LTBP1: variants seen among roughly 807,000 people sequenced by gnomAD.
LTBP1 encodes latent transforming growth factor beta binding protein 1.
In LTBP1, 129 loss-of-function variants were observed where a neutral mutation model predicts 207.6. That is an observed-to-expected ratio of 0.62 (90% confidence interval 0.54 to 0.72). The LOEUF is 0.72. LTBP1 is among the 30% of genes least tolerant of loss of function. LTBP1 has a pLI of 0.00. For missense variants in LTBP1, 2,281 were observed against 2,217.2 expected (o/e 1.03, Z -0.58); for synonymous variants, 963 against 833.7 (o/e 1.16, Z -2.67).
chr2:33,320,268 C>T (rs936149813), intron 24 of LTBP1, among the ~76,000 whole-genome samples: 2 of 151,910 alleles, frequency 1.3e-5, no homozygotes, highest in African/African-American at 2.4e-5. Flanking sequence ...ACTCAGGAAG[C>T]TGATGCACGT....
At chr2:33,161,920 T>G (rs777854199) in intron 5 of LTBP1, among the ~76,000 whole-genome samples, 48 of 152,214 alleles carry the variant, frequency 3.2e-4, no homozygotes, top group Non-Finnish European at 5.9e-4. Context: ...CCATGGCTTT[T>G]GAATTGTTTC....
chr2:33,336,743 G>C (rs2094557977), intron 24 of LTBP1, among the ~76,000 whole-genome samples: 1 of 152,094 alleles, frequency 6.6e-6, no homozygotes, highest in African/African-American at 2.4e-5. Context: ...TAAGGAAGAA[G>C]GAAGTCAACA....
chr2:33,125,560 C>G lies in LTBP1; in HGVS notation c.1034-9233C>G, dbSNP rs143299882. Among the ~76,000 whole-genome samples the G allele has an allele frequency of 3.0e-3, 458 of 152,094 alleles. 2 individuals carry two copies. Among genetic ancestry groups the G allele is most frequent in the Middle Eastern group, 0.021 (6 of 290 alleles). On this transcript the variant is annotated intron_variant, in intron 4 of 33. Transcript: ENST00000404816. The stretch of plus-strand genomic sequence containing the variant: ...AAAATTACTCCAAACTGGCCGGGCA[C>G]GGTGGCTCACGCTTGTAATCCCAGG...
chr2:33,261,292 G>T (rs1470742939), intron 13 of LTBP1, among the ~76,000 whole-genome samples: 3 of 152,216 alleles, frequency 2.0e-5, no homozygotes, highest in Admixed American at 6.5e-5. Flanking sequence ...ATCCTGGTCT[G>T]TTCCTTGTTG....
intron 5 of LTBP1, among the ~76,000 whole-genome samples, chr2:33,151,517 G>A (rs903064659): frequency 6.6e-6 from 1 of 151,760 alleles, no homozygotes; most frequent in African/African-American, 2.4e-5. Flanking sequence ...TTGGTTGCAC[G>A]AGTAAGTTCT....
chr2:33,285,309 T>A lies in LTBP1; in HGVS notation c.3112+5151T>A, dbSNP rs918556765. Among the ~76,000 whole-genome samples, 3 of 152,068 alleles carry A rather than the reference T, an allele frequency of 2.0e-5. No homozygotes were observed. In the East Asian group the frequency reaches 5.8e-4, roughly 29 times the overall value. On this transcript the variant is annotated intron_variant, in intron 19 of 33. Coordinates refer to ENST00000404816, the MANE Select transcript of LTBP1 (RefSeq NM_206943.4). ...CACCCATCTCAGTCCCCGAAAGTGCTGGGATTACAGGGGTAAGCCACCGTG... is the reference window on the plus strand; with the variant it reads ...CACCCATCTCAGTCCCCGAAAGTGCAGGGATTACAGGGGTAAGCCACCGTG...
intron 7 of LTBP1, among the ~76,000 whole-genome samples, chr2:33,190,253 G>T (rs893151546): frequency 2.0e-5 from 3 of 152,040 alleles, no homozygotes; most frequent in Non-Finnish European, 4.4e-5. Context: ...CTGTCTTTTG[G>T]TTATGGGTTA....
At chr2:32,948,760 T>C in intron 1 of LTBP1, 115 bp from the exon 2 acceptor site, 1 of 973,614 alleles carries the variant, frequency 1.0e-6, no homozygotes, top group Non-Finnish European at 1.6e-6. Context: ...GGACTCTCTC[T>C]CATCCAGAGG....
At chr2:33,233,526 A>C (rs2091898779) in intron 9 of LTBP1, among the ~76,000 whole-genome samples, 1 of 152,136 alleles carries the variant, frequency 6.6e-6, no homozygotes. Flanking sequence ...GGCTTCAATT[A>C]GTTTCTTAGC....
intron 9 of LTBP1, among the ~76,000 whole-genome samples, chr2:33,228,923 T>C (rs945242721): frequency 9.2e-5 from 14 of 151,694 alleles, no homozygotes; most frequent in African/African-American, 3.1e-4. Flanking sequence ...ATGGTTTTGA[T>C]CTCCCAACCT....
chr2:33,324,699 CTT>C (rs35517435), intron 24 of LTBP1, among the ~76,000 whole-genome samples: 47 of 123,354 alleles, frequency 3.8e-4, no homozygotes, highest in Admixed American at 1.1e-3. Flanking sequence ...TGTATTCTAT[CTT>C]TTTTTTTTTT....
At chr2:33,305,055 T>C (rs1286722331) in intron 22 of LTBP1, among the ~76,000 whole-genome samples, 3 of 152,178 alleles carry the variant, frequency 2.0e-5, no homozygotes, top group Non-Finnish European at 2.9e-5. Context: ...GGCTCACGCC[T>C]ATAATCCCAG....
chr2:33,049,782 A>G (rs904538598), intron 3 of LTBP1, among the ~76,000 whole-genome samples: 3 of 152,168 alleles, frequency 2.0e-5, no homozygotes, highest in African/African-American at 7.2e-5. Flanking sequence ...TAATCCTGGT[A>G]TAGAACATGC....
At chr2:33,108,999 A>G (rs906665532) in intron 3 of LTBP1, among the ~76,000 whole-genome samples, 1 of 152,258 alleles carries the variant, frequency 6.6e-6, no homozygotes, top group Admixed American at 6.5e-5. Context: ...GTGGTATTGC[A>G]TCTGGGAAAA....
chr2:33,029,215 A>G (rs879579499), intron 3 of LTBP1, among the ~76,000 whole-genome samples: 9 of 152,342 alleles, frequency 5.9e-5, no homozygotes, highest in East Asian at 3.9e-4. Flanking sequence ...GATGGCTCAC[A>G]CCTGTCATCA....
Position 33,259,626 on chromosome 2 carries a change from C to T in LTBP1, c.2418+16C>T, listed in dbSNP as rs776060068. On this transcript the variant is annotated intron_variant, in intron 13 of 33. Coordinates refer to ENST00000404816, the MANE Select transcript of LTBP1 (RefSeq NM_206943.4). Reference sequence around the variant, plus strand: ...CCCTGAAAAGGTAATTTATTCATTGCTTGCAAGTCTTTTTTTTTCAACGCT... The same window carrying T: ...CCCTGAAAAGGTAATTTATTCATTGTTTGCAAGTCTTTTTTTTTCAACGCT... The T allele has an allele frequency of 1.9e-6, 3 of 1,591,484 alleles. No homozygotes were observed. Among genetic ancestry groups the T allele is most frequent in the South Asian group, 2.3e-5 (2 of 85,860 alleles).
intron 3 of LTBP1, among the ~76,000 whole-genome samples, chr2:33,055,578 G>A (rs7572292): frequency 0.097 from 14,771 of 152,172 alleles, 959 homozygotes; most frequent in Non-Finnish European, 0.14. Context: ...GATACCAGGT[G>A]TCTCCAAACT....
chr2:33,269,042 A>T (rs1484485672), intron 15 of LTBP1, among the ~76,000 whole-genome samples: 3 of 152,250 alleles, frequency 2.0e-5, no homozygotes, highest in Non-Finnish European at 4.4e-5. Flanking sequence ...GTGTATGCGG[A>T]TAGAAAATGA....
At chr2:33,240,645 CTTTTTTT>C (rs869193074) in intron 9 of LTBP1, among the ~76,000 whole-genome samples, 1 of 100,818 alleles carries the variant, frequency 9.9e-6, no homozygotes, top group Non-Finnish European at 2.0e-5. Flanking sequence ...TGGAAACATT[CTTTTTTT>C]TTTTTTTTTT....
Sources: allele counts gnomAD v4.1 joint callset (sites outside exome capture counted in the v4.1 genomes callset), GRCh38; gene constraint gnomAD v4.1.1; transcripts MANE v1.5; gene names NCBI Gene and HGNC (gene_info 2026-07-23, HGNC 2026-07-21).